The following CAAP1 variants were observed in gnomAD, a reference collection of about 807,000 sequenced individuals.
The protein encoded by CAAP1 is conserved anti-apoptotic protein.
A neutral mutation model predicts 34.0 loss-of-function variants in CAAP1; 20 were observed. The ratio of observed to expected loss-of-function variants is 0.59; its 90% CI spans 0.41 to 0.86. The LOEUF (loss-of-function observed/expected upper bound fraction) is 0.86, where lower values mean the gene tolerates loss of function less well. CAAP1 is among the 40% of genes least tolerant of loss of function. CAAP1 has a pLI of 0.00. For missense variants in CAAP1, 538 were observed against 450.5 expected (o/e 1.19, Z -1.76); for synonymous variants, 213 against 166.7 (o/e 1.28, Z -2.14).
At chr9:26,879,818 C>T (rs1225454147) in intron 4 of CAAP1, among the ~76,000 whole-genome samples, 1 of 152,144 alleles carries the variant, frequency 6.6e-6, no homozygotes, top group African/African-American at 2.4e-5. Context: ...CGGCCTTTGG[C>T]CCCAGACTGA....
At position 26,842,645 on chromosome 9, in the gene CAAP1, TTCCTG is replaced by T; in HGVS notation, c.740-3_741del. ...CTGAGTACATCACTATCTTCCCCTTTTCCTGTAACCAAAAAAGGAGAAAGATCCAT... is the reference window on the plus strand; with the variant it reads ...CTGAGTACATCACTATCTTCCCCTTTTAACCAAAAAAGGAGAAAGATCCAT... On this transcript the variant is annotated splice_acceptor_variant and splice_polypyrimidine_tract_variant and coding_sequence_variant and intron_variant, in exon 6 of 6. Transcript: ENST00000333916. LOFTEE classifies it high-confidence loss of function. 1 of 1,587,084 alleles carries T rather than the reference TTCCTG, an allele frequency of 6.3e-7. No homozygotes were observed. Among genetic ancestry groups the T allele is most frequent in the South Asian group, 1.2e-5 (1 of 86,784 alleles).
At chr9:26,847,237 CG>C (rs1210560167) in intron 5 of CAAP1, among the ~76,000 whole-genome samples, 1 of 28,716 alleles carries the variant, frequency 3.5e-5, no homozygotes, top group Non-Finnish European at 7.5e-5. Flanking sequence ...TTTTTTGACA[CG>C]GAGTCTTGCT....
rs184174873 is a variant in CAAP1, at chr9:26,885,120, C to T, written c.590-235G>A. ...TAGACGGAGTGTCACACTGTCACCCCGGCTGGTGTGCAGTGGCATGACCTC... is the reference window on the plus strand; with the variant it reads ...TAGACGGAGTGTCACACTGTCACCCTGGCTGGTGTGCAGTGGCATGACCTC... On this transcript the variant is annotated intron_variant, in intron 3 of 5. Coordinates refer to ENST00000333916, the MANE Select transcript of CAAP1 (RefSeq NM_024828.4). Among the ~76,000 whole-genome samples, 31 of 148,248 alleles carry T rather than the reference C, an allele frequency of 2.1e-4. No homozygotes were observed. In the East Asian group the frequency reaches 4.9e-3, roughly 23 times the overall value.
intron 4 of CAAP1, among the ~76,000 whole-genome samples, chr9:26,868,254 G>A (rs551557224): frequency 6.6e-6 from 1 of 152,250 alleles, no homozygotes; most frequent in Non-Finnish European, 1.5e-5. Context: ...TTGAAATGGG[G>A]AGATTATCTT....
intron 5 of CAAP1, among the ~76,000 whole-genome samples, chr9:26,853,067 T>G (rs189765722): frequency 6.6e-6 from 1 of 152,280 alleles, no homozygotes; most frequent in African/African-American, 2.4e-5. Flanking sequence ...ATGGATTTTG[T>G]GTAGAGATGG....
intron 5 of CAAP1, among the ~76,000 whole-genome samples, chr9:26,849,583 T>C (rs1234957811): frequency 1.3e-5 from 2 of 152,166 alleles, no homozygotes; most frequent in African/African-American, 4.8e-5. Flanking sequence ...GTTAATTGCA[T>C]TTTTTATATT....
rs888818954 is a variant in CAAP1, at chr9:26,884,792, G to C, written c.665+18C>G. 1 of 1,560,732 alleles carries C rather than the reference G, an allele frequency of 6.4e-7. No individual in the cohort carries two copies. Among genetic ancestry groups the C allele is most frequent in the Non-Finnish European group, 8.7e-7 (1 of 1,143,898 alleles). On this transcript the variant is annotated intron_variant, in intron 4 of 5. Coordinates refer to ENST00000333916, the MANE Select transcript of CAAP1 (RefSeq NM_024828.4). ...AACAAAGAAATTTTGAAATAAAAATGAAAGTTTTTAAACTTACTGACTGAC... is the reference window on the plus strand; with the variant it reads ...AACAAAGAAATTTTGAAATAAAAATCAAAGTTTTTAAACTTACTGACTGAC...
chr9:26,856,524 T>C (rs1822873545), intron 5 of CAAP1, among the ~76,000 whole-genome samples: 1 of 152,238 alleles, frequency 6.6e-6, no homozygotes, highest in Non-Finnish European at 1.5e-5. Context: ...TCTTAAAACC[T>C]GACAGCTAGA....
chr9:26,848,908 T>C (rs1822678959), intron 5 of CAAP1, among the ~76,000 whole-genome samples: 1 of 152,218 alleles, frequency 6.6e-6, no homozygotes. Flanking sequence ...CATATAAATT[T>C]TTTTTGTTTT....
At chr9:26,886,414 T>C (rs1427383129) in intron 2 of CAAP1, among the ~76,000 whole-genome samples, 1 of 152,122 alleles carries the variant, frequency 6.6e-6, no homozygotes, top group East Asian at 1.9e-4. Context: ...GTATTTACTA[T>C]CAAAGAAAAA....
chr9:26,875,840 A>G (rs1304106284), intron 4 of CAAP1, among the ~76,000 whole-genome samples: 1 of 152,036 alleles, frequency 6.6e-6, no homozygotes, highest in Admixed American at 6.6e-5. Flanking sequence ...TCTCCTTTGG[A>G]ATGTTGGAAA....
rs567396639 is a variant in CAAP1 at position 26,866,937 on chromosome 9, T to C, written c.666-5798A>G. Among the ~76,000 whole-genome samples, 360 of 152,202 alleles carry C rather than the reference T, an allele frequency of 2.4e-3. 1 individual carries two copies. The Middle Eastern group carries it at 0.024, about 10-fold the overall frequency. On this transcript the variant is annotated intron_variant, in intron 4 of 5. Transcript: ENST00000333916. Reference sequence around the variant, plus strand: ...CGCCTGGGCCACAGATCGGTACCAATCTGTGGCCTGTTAGGAACTGAGCCG... The same window carrying C: ...CGCCTGGGCCACAGATCGGTACCAACCTGTGGCCTGTTAGGAACTGAGCCG...
At chr9:26,850,165 G>GTTAA (rs1256415051) in intron 5 of CAAP1, among the ~76,000 whole-genome samples, 1 of 152,116 alleles carries the variant, frequency 6.6e-6, no homozygotes, top group African/African-American at 2.4e-5. Context: ...AAAACTTTAT[G>GTTAA]AAGACTTATT....
At chr9:26,866,264 T>C (rs12353505) in intron 4 of CAAP1, among the ~76,000 whole-genome samples, 3,379 of 152,286 alleles carry the variant, frequency 0.022, 126 homozygotes, top group African/African-American at 0.077. Flanking sequence ...ATGTACTGGG[T>C]AGGACAAAGT....
intron 1 of CAAP1, among the ~76,000 whole-genome samples, chr9:26,890,517 T>C (rs1723244863): frequency 6.6e-6 from 1 of 152,070 alleles, no homozygotes; most frequent in African/African-American, 2.4e-5. Context: ...AAAACTCCAC[T>C]AGACCCAGAT....
At chr9:26,887,960 T>G (rs115150607) in intron 1 of CAAP1, among the ~76,000 whole-genome samples, 164 of 152,334 alleles carry the variant, frequency 1.1e-3, no homozygotes, top group African/African-American at 3.7e-3. Flanking sequence ...TATCATCATT[T>G]TTAAAACTTT....
chr9:26,855,278 A>G (rs1363673001), intron 5 of CAAP1, among the ~76,000 whole-genome samples: 6 of 152,262 alleles, frequency 3.9e-5, no homozygotes, highest in African/African-American at 1.2e-4. Context: ...CAGGACAAGC[A>G]TAACTATAGG....
intron 5 of CAAP1, among the ~76,000 whole-genome samples, chr9:26,856,132 G>GA (rs1259330706): frequency 2.0e-5 from 3 of 149,910 alleles, no homozygotes; most frequent in Middle Eastern, 6.8e-3. Flanking sequence ...TTTAAAAGGG[G>GA]GGGGGTAGAA....
intron 1 of CAAP1, among the ~76,000 whole-genome samples, chr9:26,888,503 C>T (rs1198139735): frequency 6.6e-6 from 1 of 152,184 alleles, no homozygotes. Context: ...TCCCTGACCA[C>T]AGAGGTCAGA....
Sources: gnomAD v4.1 joint callset for allele counts (sites outside exome capture counted in the v4.1 genomes callset) on GRCh38, gnomAD v4.1.1 for gene constraint, MANE v1.5 for transcripts, NCBI Gene and HGNC (gene_info 2026-07-23, HGNC 2026-07-21) for gene names.